The following PAK1 variants were observed in gnomAD, a reference collection of about 807,000 sequenced individuals.
PAK1 encodes serine/threonine-protein kinase PAK 1.
PAK1 carries 29 observed loss-of-function variants against 67.4 expected under a neutral mutation model. The ratio of observed to expected loss-of-function variants is 0.43; its 90% CI spans 0.32 to 0.59. The LOEUF (loss-of-function observed/expected upper bound fraction) is 0.59, where lower values mean the gene tolerates loss of function less well. PAK1 is among the 20% of genes least tolerant of loss of function. The pLI is 0.07. For synonymous variants in PAK1, 223 were observed against 237.4 expected (o/e 0.94, Z 0.56); for missense variants, 337 against 670.7 (o/e 0.50, Z 5.50).
At chr11:77,460,722 G>A (rs920997660) in intron 1 of PAK1, among the ~76,000 whole-genome samples, 2 of 152,164 alleles carry the variant, frequency 1.3e-5, no homozygotes, top group African/African-American at 4.8e-5. Context: ...AAGCGAAGAA[G>A]AGATGAGGCA....
chr11:77,414,704 C>T (rs1206298907), intron 1 of PAK1, among the ~76,000 whole-genome samples: 2 of 152,182 alleles, frequency 1.3e-5, no homozygotes, highest in African/African-American at 2.4e-5. Context: ...AAAAAATCAA[C>T]CTAGACACAG....
intron 8 of PAK1, among the ~76,000 whole-genome samples, chr11:77,350,511 C>T (rs1197949492): frequency 6.6e-6 from 1 of 152,026 alleles, no homozygotes; most frequent in Non-Finnish European, 1.5e-5. Flanking sequence ...GACCATAAAC[C>T]CTGTGTATTT....
chr11:77,499,415 A>G, the PAK1 span, among the ~76,000 whole-genome samples: 44 of 152,228 alleles, frequency 2.9e-4, no homozygotes, highest in African/African-American at 9.9e-4. Flanking sequence ...ATGTAAATAA[A>G]TATATTTTTC....
At chr11:77,325,368 T>C in intron 14 of PAK1, 1 of 1,613,598 alleles carries the variant, frequency 6.2e-7, no homozygotes, top group Non-Finnish European at 8.5e-7. Context: ...GAAACCTCAG[T>C]TTTCTCACCT....
intron 1 of PAK1, among the ~76,000 whole-genome samples, chr11:77,459,169 T>C (rs1957209062): frequency 6.6e-6 from 1 of 152,176 alleles, no homozygotes. Flanking sequence ...GGTCAAATTA[T>C]TAAGTTCCCT....
chr11:77,478,500 C>T (rs564501206), upstream of PAK1, among the ~76,000 whole-genome samples: 1 of 152,164 alleles, frequency 6.6e-6, no homozygotes, highest in Non-Finnish European at 1.5e-5. Flanking sequence ...TGGCCTGGCA[C>T]GGTGGCCCAA....
At chr11:77,443,475 CCCCCTCTATTACTG>C (rs1956454898) in intron 1 of PAK1, among the ~76,000 whole-genome samples, 1 of 152,040 alleles carries the variant, frequency 6.6e-6, no homozygotes, top group Non-Finnish European at 1.5e-5. Context: ...ATGTAAGTAT[CCCCCTCTATTACTG>C]CCCCTCATAA....
chr11:77,501,981 T>C, the PAK1 span, among the ~76,000 whole-genome samples: 3 of 152,262 alleles, frequency 2.0e-5, no homozygotes, highest in Non-Finnish European at 4.4e-5. Context: ...TCCCCTTCTC[T>C]GAGCTGGGAA....
chr11:77,340,005 TTTC>T (rs1306942505), intron 11 of PAK1, among the ~76,000 whole-genome samples: 1 of 152,200 alleles, frequency 6.6e-6, no homozygotes, highest in Non-Finnish European at 1.5e-5. Flanking sequence ...CTGTCCAGGC[TTTC>T]TGGAGGGCTT....
chr11:77,415,025 CAGT>C (rs1387283936), intron 1 of PAK1, among the ~76,000 whole-genome samples: 1 of 152,062 alleles, frequency 6.6e-6, no homozygotes, highest in African/African-American at 2.4e-5. Flanking sequence ...TCTTAAAACT[CAGT>C]AAGAAGTGAC....
intron 1 of PAK1, among the ~76,000 whole-genome samples, chr11:77,421,734 T>C (rs1254745349): frequency 6.6e-6 from 1 of 152,196 alleles, no homozygotes; most frequent in Non-Finnish European, 1.5e-5. Context: ...CTAAAGTAAT[T>C]GTCCAAGAGT....
In PAK1 at chr11:77,385,407, AC is replaced by A. The variant is rs1950322354; in HGVS notation, c.191-5414del. On this transcript the variant is annotated intron_variant, in intron 2 of 14. Transcript: ENST00000356341. ...AGAAAGGAAATAATTAATAAATTTG[AC>A]CACATTAAAATTCTATCTCACATCA... 2.0e-5 allele frequency among the ~76,000 whole-genome samples: 3 copies of A among 152,358 alleles called. No homozygotes were observed. In the South Asian group the frequency reaches 6.2e-4, roughly 32 times the overall value.
chr11:77,323,460 G>T, intron 14 of PAK1, 100 bp from the exon 15 acceptor site: 1 of 821,266 alleles, frequency 1.2e-6, no homozygotes, highest in Non-Finnish European at 2.1e-6. Flanking sequence ...AAAGGGTGCT[G>T]TGTGGAAAGC....
At chr11:77,513,123 G>A in the PAK1 span, among the ~76,000 whole-genome samples, 3 of 152,076 alleles carry the variant, frequency 2.0e-5, no homozygotes, top group African/African-American at 7.2e-5. Context: ...ATTTCCAGAG[G>A]CTCTTTGACT....
At chr11:77,451,788 C>T (rs558533389) in intron 1 of PAK1, among the ~76,000 whole-genome samples, 7 of 150,434 alleles carry the variant, frequency 4.7e-5, no homozygotes, top group Admixed American at 1.3e-4. Context: ...TTAGTAGAGA[C>T]GGGGTTTCAC....
Position 77,389,627 on chromosome 11 carries a change from C to T in PAK1, c.190+2704G>A, listed in dbSNP as rs540538940. 5.8e-4 allele frequency among the ~76,000 whole-genome samples: 88 copies of T among 152,326 alleles called. No homozygotes were observed. The Middle Eastern group carries it at 0.01, about 18-fold the overall frequency. On this transcript the variant is annotated intron_variant, in intron 2 of 14. Coordinates refer to ENST00000356341, the MANE Select transcript of PAK1 (RefSeq NM_002576.5). ...ATGGCTAATGATTTGAGAATCCTTT[C>T]ATGTGCTTCTTGGCCATTTGTATAT...
chr11:77,343,746 C>G, intron 10 of PAK1, 73 bp downstream of exon 10: 3 of 894,734 alleles, frequency 3.4e-6, no homozygotes, highest in Non-Finnish European at 5.7e-6. Flanking sequence ...TGGCACTGCC[C>G]TCTTCTCTAA....
the PAK1 span, among the ~76,000 whole-genome samples, chr11:77,522,325 G>A: frequency 6.6e-6 from 1 of 152,206 alleles, no homozygotes; most frequent in African/African-American, 2.4e-5. Flanking sequence ...AATCCTGCAT[G>A]GGGACTGTGT....
intron 14 of PAK1, among the ~76,000 whole-genome samples, chr11:77,328,902 A>C (rs1940730809): frequency 6.6e-6 from 1 of 152,208 alleles, no homozygotes. Context: ...CTAATAAAGA[A>C]GAAAAGAGAG....
Sources: allele counts gnomAD v4.1 joint callset (sites outside exome capture counted in the v4.1 genomes callset), GRCh38; gene constraint gnomAD v4.1.1; transcripts MANE v1.5; gene names NCBI Gene and HGNC (gene_info 2026-07-23, HGNC 2026-07-21).